MYH15: variants seen among roughly 807,000 people sequenced by gnomAD.
MYH15 encodes myosin heavy chain 15.
A neutral mutation model predicts 240.5 loss-of-function variants in MYH15; 227 were observed. That is an observed-to-expected ratio of 0.94 (90% confidence interval 0.85 to 1.05). The LOEUF is 1.05. Ranked by LOEUF, MYH15 falls within the 50% of genes least tolerant of loss-of-function variation. The pLI is 0.00. For synonymous variants in MYH15, 785 were observed against 796.7 expected, an observed-to-expected ratio of 0.99 and a Z score of 0.25; for missense variants, 2,217 against 2,247.5, an observed-to-expected ratio of 0.99 and a Z score of 0.27.
At chr3:108,540,879 C>T in the MYH15 span, among the ~76,000 whole-genome samples, 1 of 151,956 alleles carries the variant, frequency 6.6e-6, no homozygotes, top group Admixed American at 6.6e-5. Context: ...TAGTGATTCT[C>T]TTGGATTCTT....
intron 26 of MYH15, among the ~76,000 whole-genome samples, chr3:108,430,625 T>C (rs1468632971): frequency 4.6e-5 from 7 of 152,186 alleles, no homozygotes; most frequent in African/African-American, 1.7e-4. Context: ...CAATTAGCTA[T>C]TCATTTTTAT....
chr3:108,495,630 A>T, intron 7 of MYH15, 150 bp downstream of exon 7: 1 of 488,822 alleles, frequency 2.0e-6, no homozygotes. Context: ...TATAGATAGT[A>T]ATTTTTTTTG....
chr3:108,443,182 G>A (rs1262531241), intron 22 of MYH15, among the ~76,000 whole-genome samples: 5 of 152,086 alleles, frequency 3.3e-5, no homozygotes, highest in African/African-American at 9.7e-5. Context: ...CTTTGAAATG[G>A]GGCCCAGGAA....
At chr3:108,432,425 G>GA (rs112605004) in intron 25 of MYH15, among the ~76,000 whole-genome samples, 14,606 of 146,392 alleles carry the variant, frequency 0.1, 1,524 homozygotes, top group East Asian at 0.57. Flanking sequence ...CAGTGTGATA[G>GA]AAAAAAAAAA....
At chr3:108,463,281 A>C in intron 15 of MYH15, 38 bp from the exon 16 acceptor site, 1 of 1,571,920 alleles carries the variant, frequency 6.4e-7, no homozygotes, top group East Asian at 2.2e-5. Context: ...AAAAAAGAAA[A>C]AAAACTGCAT....
intron 9 of MYH15, among the ~76,000 whole-genome samples, chr3:108,492,090 A>G (rs2083352587): frequency 6.6e-6 from 1 of 151,892 alleles, no homozygotes; most frequent in Non-Finnish European, 1.5e-5. Context: ...AAAAAGAAAA[A>G]AGAGAGAAAA....
chr3:108,485,636 A>ATT (rs1211470559), intron 10 of MYH15, among the ~76,000 whole-genome samples: 1 of 152,188 alleles, frequency 6.6e-6, no homozygotes, highest in Non-Finnish European at 1.5e-5. Flanking sequence ...GAGGAGACAC[A>ATT]TTTCAAAGAC....
At chr3:108,384,343 A>G (rs1445827197) in intron 39 of MYH15, among the ~76,000 whole-genome samples, 2 of 152,148 alleles carry the variant, frequency 1.3e-5, no homozygotes, top group Admixed American at 1.3e-4. Context: ...GTTTATGTTT[A>G]CCCAAGGTTT....
intron 33 of MYH15, 80 bp downstream of exon 33, chr3:108,405,258 A>G (rs2082537940): frequency 2.7e-6 from 2 of 729,910 alleles, no homozygotes; most frequent in Middle Eastern, 4.5e-4. Context: ...GGGCCATAAA[A>G]GCAGCCAGAC....
chr3:108,434,887 T>A (rs1462337654), intron 25 of MYH15, among the ~76,000 whole-genome samples: 2 of 152,216 alleles, frequency 1.3e-5, no homozygotes, highest in Non-Finnish European at 2.9e-5. Context: ...ATTCTTAATA[T>A]CATACTTCTG....
At chr3:108,412,854 C>T (rs2082604748) in intron 30 of MYH15, among the ~76,000 whole-genome samples, 1 of 152,104 alleles carries the variant, frequency 6.6e-6, no homozygotes, top group African/African-American at 2.4e-5. Context: ...GAAACCAGGA[C>T]CCTAGATTGT....
At chr3:108,470,940 T>C in intron 12 of MYH15, 93 bp from the exon 13 acceptor site, 1 of 1,294,758 alleles carries the variant, frequency 7.7e-7, no homozygotes, top group African/African-American at 1.5e-5. Context: ...CTAGTCAAAT[T>C]AGGATGTCTT....
At chr3:108,492,201 T>TACAC (rs10662107) in intron 9 of MYH15, among the ~76,000 whole-genome samples, 38,516 of 147,856 alleles carry the variant, frequency 0.26, 5,496 homozygotes, top group African/African-American at 0.38. Flanking sequence ...AATGCTTTTA[T>TACAC]ACACACACAC....
chr3:108,500,457 A>G (rs1232895178), intron 3 of MYH15, among the ~76,000 whole-genome samples, 183 bp from the exon 4 acceptor site: 1 of 152,228 alleles, frequency 6.6e-6, no homozygotes, highest in Non-Finnish European at 1.5e-5. Flanking sequence ...TTAGAGTAAC[A>G]TCAGGACCTG....
chr3:108,451,254 C>G (rs1306281371), intron 21 of MYH15, among the ~76,000 whole-genome samples: 2 of 152,130 alleles, frequency 1.3e-5, no homozygotes, highest in Non-Finnish European at 2.9e-5. Flanking sequence ...GAGGCACACG[C>G]CTGTAATCCC....
chr3:108,445,292 G>C (rs2082918094), intron 21 of MYH15, among the ~76,000 whole-genome samples: 1 of 152,160 alleles, frequency 6.6e-6, no homozygotes. Context: ...TGGATAAAAA[G>C]GCAAGGCAGA....
chr3:108,545,846 G>T, the MYH15 span, among the ~76,000 whole-genome samples: 1 of 151,816 alleles, frequency 6.6e-6, no homozygotes, highest in African/African-American at 2.4e-5. Context: ...TTTCAAAAAG[G>T]ATGCATGATA....
intron 28 of MYH15, among the ~76,000 whole-genome samples, chr3:108,418,298 T>C (rs1198913660): frequency 6.6e-6 from 1 of 152,246 alleles, no homozygotes; most frequent in Non-Finnish European, 1.5e-5. Context: ...AAAAGATATA[T>C]ACTCAAGTTG....
At chr3:108,505,863 G>T in intron 1 of MYH15, 34 bp from the exon 2 acceptor site, 2 of 1,333,432 alleles carry the variant, frequency 1.5e-6, no homozygotes, top group East Asian at 2.4e-5. Flanking sequence ...ATGGATTATA[G>T]CTATAGTACT....
Sources: allele counts gnomAD v4.1 joint callset (sites outside exome capture counted in the v4.1 genomes callset), GRCh38; gene constraint gnomAD v4.1.1; transcripts MANE v1.5; gene names NCBI Gene and HGNC (gene_info 2026-07-23, HGNC 2026-07-21).